KSR2: variants seen among roughly 807,000 people sequenced by gnomAD.
The protein encoded by KSR2 is kinase suppressor of ras 2.
KSR2 carries 25 observed loss-of-function variants against 107.8 expected under a neutral mutation model. That is an observed-to-expected ratio of 0.23 (90% CI 0.17 to 0.32). KSR2 has a LOEUF of 0.32. Ranked by LOEUF, KSR2 falls within the 10% of genes least tolerant of loss-of-function variation. KSR2 has a pLI of 1.00. For synonymous variants in KSR2, 480 were observed against 507.0 expected (o/e 0.95, Z 0.71); for missense variants, 887 against 1,268.9 (o/e 0.70, Z 4.57).
intron 3 of KSR2, among the ~76,000 whole-genome samples, chr12:117,790,262 T>A (rs1364334757): frequency 6.6e-6 from 1 of 152,212 alleles, no homozygotes; most frequent in Non-Finnish European, 1.5e-5. Context: ...TTTGCTTTTA[T>A]GTATTTCAGG....
At position 117,761,129 on chromosome 12, in the gene KSR2, T is replaced by A; in HGVS notation, c.868A>T (p.Thr290Ser). 1 of 1,612,232 alleles carries A rather than the reference T, an allele frequency of 6.2e-7. No individual in the cohort carries two copies. The highest frequency in any genetic ancestry group is 2.2e-5 in the East Asian group (1 of 44,738). ...RKKNKLKPPG[T>S]PPPSSRKLIH... ...AGTTTTCGGGAGGAGGGCGGTGGGG[T>A]CCCCGGGGGCTTCAGCTTGTTCTTC... The change falls in exon 4 of 20, where the codon ACC becomes TCC. Residue 290 changes from threonine (T) to serine (S), a missense_variant. Physicochemically the swap from Thr to Ser is moderately conservative, Grantham distance 58 (BLOSUM62 1). This residue lies in a region of KSR2 where 399 missense variants were observed against 479.5 expected (regional missense o/e 0.83). Transcript: ENST00000339824.
chr12:117,600,887 C>T (rs1880903027), intron 5 of KSR2, among the ~76,000 whole-genome samples: 1 of 152,076 alleles, frequency 6.6e-6, no homozygotes, highest in South Asian at 2.1e-4. Flanking sequence ...GCATGGGGGT[C>T]GAGTGGGGGC....
intron 9 of KSR2, among the ~76,000 whole-genome samples, chr12:117,551,818 T>C (rs1337815598): frequency 1.3e-5 from 2 of 152,204 alleles, no homozygotes; most frequent in Non-Finnish European, 2.9e-5. Context: ...AGCTGCTTTC[T>C]TAATAGAGGT....
intron 1 of KSR2, among the ~76,000 whole-genome samples, chr12:117,943,598 T>G (rs1896079110): frequency 6.8e-6 from 1 of 147,878 alleles, no homozygotes; most frequent in South Asian, 2.2e-4. Context: ...GATTAATAGA[T>G]CAACAAAATG....
At chr12:117,952,136 T>C (rs1370228066) in intron 1 of KSR2, among the ~76,000 whole-genome samples, 4 of 150,502 alleles carry the variant, frequency 2.7e-5, no homozygotes, top group Non-Finnish European at 5.9e-5. Flanking sequence ...TTGCTGAGAG[T>C]AGATCTTAAA....
chr12:117,554,371 GCC>G (rs1169048182), intron 9 of KSR2, among the ~76,000 whole-genome samples: 1 of 152,122 alleles, frequency 6.6e-6, no homozygotes, highest in African/African-American at 2.4e-5. Context: ...CACCCATCCA[GCC>G]CCTACCAGAA....
At chr12:117,839,863 G>A (rs1373893873) in intron 3 of KSR2, among the ~76,000 whole-genome samples, 3 of 152,200 alleles carry the variant, frequency 2.0e-5, no homozygotes, top group African/African-American at 7.2e-5. Context: ...CAGCAGCAGA[G>A]AAGAAAGTAT....
chr12:117,898,176 T>C (rs866399706), intron 1 of KSR2, among the ~76,000 whole-genome samples: 1 of 152,130 alleles, frequency 6.6e-6, no homozygotes, highest in Non-Finnish European at 1.5e-5. Context: ...CAGCGAATGG[T>C]CAAACTTCCC....
intron 1 of KSR2, among the ~76,000 whole-genome samples, chr12:117,933,379 A>C (rs1299492500): frequency 6.6e-6 from 1 of 152,162 alleles, no homozygotes; most frequent in East Asian, 1.9e-4. Flanking sequence ...TCACGAGGTC[A>C]GGAGATCAAG....
intron 7 of KSR2, among the ~76,000 whole-genome samples, chr12:117,577,702 A>G (rs1879369839): frequency 6.6e-6 from 1 of 152,154 alleles, no homozygotes; most frequent in East Asian, 1.9e-4. Context: ...CCCCTTATAA[A>G]ACCATCAGAT....
chr12:117,585,954 T>C (rs995172912), intron 5 of KSR2, among the ~76,000 whole-genome samples: 1 of 152,224 alleles, frequency 6.6e-6, no homozygotes, highest in Non-Finnish European at 1.5e-5. Flanking sequence ...TCTTCTCCCC[T>C]TGCACAGGTC....
chr12:117,587,630 C>T (rs930918689), intron 5 of KSR2, among the ~76,000 whole-genome samples: 1 of 152,156 alleles, frequency 6.6e-6, no homozygotes, highest in Non-Finnish European at 1.5e-5. Flanking sequence ...ACTGACACAG[C>T]ACCTATCTTG....
At chr12:117,554,195 C>T (rs1285125083) in intron 9 of KSR2, among the ~76,000 whole-genome samples, 1 of 152,120 alleles carries the variant, frequency 6.6e-6, no homozygotes, top group Non-Finnish European at 1.5e-5. Context: ...AGATTTGGTA[C>T]AGCCCCATCA....
intron 4 of KSR2, among the ~76,000 whole-genome samples, chr12:117,751,284 G>A (rs1406989403): frequency 6.6e-6 from 1 of 152,202 alleles, no homozygotes; most frequent in Non-Finnish European, 1.5e-5. Flanking sequence ...TAAACTGTGA[G>A]TCCATTAAAC....
chr12:117,531,021 C>T lies in KSR2; in HGVS notation c.1730-8G>A. The T allele has an allele frequency of 6.2e-7, 1 of 1,612,984 alleles. No individual in the cohort carries two copies. Among genetic ancestry groups the T allele is most frequent in the Non-Finnish European group, 8.5e-7 (1 of 1,179,268 alleles). Reference sequence around the variant, plus strand: ...CCGGCACCGGCACCACATCTGAAAACCAGAGATTGAACACTCAGAAAAAAA... The same window carrying T: ...CCGGCACCGGCACCACATCTGAAAATCAGAGATTGAACACTCAGAAAAAAA... On this transcript the variant is annotated splice_region_variant and splice_polypyrimidine_tract_variant and intron_variant, in intron 11 of 19. Coordinates refer to ENST00000339824, the MANE Select transcript of KSR2 (RefSeq NM_173598.6).
chr12:117,621,028 G>T (rs1882168483), intron 5 of KSR2, among the ~76,000 whole-genome samples: 1 of 152,104 alleles, frequency 6.6e-6, no homozygotes, highest in Non-Finnish European at 1.5e-5. Flanking sequence ...AGTTGATATG[G>T]TTTGGCTCTG....
intron 4 of KSR2, 144 bp downstream of exon 4, chr12:117,760,867 G>A (rs1223025663): frequency 4.7e-6 from 5 of 1,056,404 alleles, no homozygotes; most frequent in Admixed American, 2.6e-5. Context: ...AGAACCCTCT[G>A]TGAAAAGCCA....
intron 4 of KSR2, among the ~76,000 whole-genome samples, chr12:117,669,041 G>A (rs1436253363): frequency 2.0e-5 from 3 of 152,174 alleles, no homozygotes; most frequent in Non-Finnish European, 2.9e-5. Context: ...CAAGAGAAGA[G>A]AAAGGGGTGA....
intron 1 of KSR2, among the ~76,000 whole-genome samples, chr12:117,910,822 A>T (rs1894988212): frequency 6.6e-6 from 1 of 152,116 alleles, no homozygotes; most frequent in Non-Finnish European, 1.5e-5. Context: ...CAGTCCTAAG[A>T]AGAGGGCATA....
Sources: allele counts gnomAD v4.1 joint callset (sites outside exome capture counted in the v4.1 genomes callset), GRCh38; gene constraint gnomAD v4.1.1; regional missense constraint gnomAD v4.1.1; transcripts MANE v1.5; gene names NCBI Gene and HGNC (gene_info 2026-07-23, HGNC 2026-07-21).